The following SGPL1 variants were observed in gnomAD, a reference collection of about 807,000 sequenced individuals.
SGPL1 encodes the protein SP-lyase 1.
In SGPL1, 37 loss-of-function variants were observed where a neutral mutation model predicts 68.9. The ratio of observed to expected loss-of-function variants is 0.54; its 90% CI spans 0.41 to 0.71. SGPL1 has a LOEUF of 0.71. SGPL1 is among the 30% of genes least tolerant of loss of function. The pLI is 0.00. For synonymous variants in SGPL1, 236 were observed against 248.5 expected, an observed-to-expected ratio of 0.95 and a Z score of 0.47; for missense variants, 551 against 704.6, an observed-to-expected ratio of 0.78 and a Z score of 2.47.
At chr10:70,843,831 T>C (rs1369647038) in intron 2 of SGPL1, among the ~76,000 whole-genome samples, 2 of 152,210 alleles carry the variant, frequency 1.3e-5, no homozygotes, top group Non-Finnish European at 2.9e-5. Context: ...TAAGAATGAT[T>C]TTTACATTTT....
At chr10:70,842,615 G>C (rs182489883) in intron 2 of SGPL1, among the ~76,000 whole-genome samples, 2 of 151,592 alleles carry the variant, frequency 1.3e-5, no homozygotes, top group African/African-American at 4.9e-5. Context: ...GAAAGAGAGT[G>C]GGGGGAGGTC....
rs766770118 is a variant in SGPL1, at chr10:70,875,389, TTTTTG to T, written c.1299-8_1299-4del. The T allele has an allele frequency of 2.0e-6, 3 of 1,497,634 alleles. No homozygotes were observed. The highest frequency in any genetic ancestry group is 2.3e-5 in the South Asian group (2 of 87,684). 92.8% of individuals were successfully genotyped at this position (1,497,634 alleles called of 1,614,324 possible). On this transcript the variant is annotated splice_region_variant and splice_polypyrimidine_tract_variant and intron_variant, in intron 12 of 14. Transcript: ENST00000373202. Reference sequence around the variant, plus strand: ...TTTACTTTTTCTTCCTTCATTTATTTTTTTGTTTTAAGACTGGAAAATATCAAAGG... The same window carrying T: ...TTTACTTTTTCTTCCTTCATTTATTTTTTTAAGACTGGAAAATATCAAAGG...
At chr10:70,869,590 A>G (rs974161014) in intron 8 of SGPL1, among the ~76,000 whole-genome samples, 1 of 152,144 alleles carries the variant, frequency 6.6e-6, no homozygotes, top group Admixed American at 6.5e-5. Context: ...GATTTCCTAA[A>G]TAGGAGGGAA....
intron 4 of SGPL1, among the ~76,000 whole-genome samples, chr10:70,854,121 A>G (rs1353564495): frequency 1.3e-5 from 2 of 152,044 alleles, no homozygotes; most frequent in African/African-American, 2.4e-5. Context: ...GTGAAGCAGC[A>G]GTGATGTCAA....
intron 11 of SGPL1, among the ~76,000 whole-genome samples, chr10:70,873,081 G>A (rs1282333441): frequency 1.3e-5 from 2 of 152,188 alleles, no homozygotes; most frequent in Non-Finnish European, 2.9e-5. Flanking sequence ...TAAACCACAT[G>A]CTGGGCAAGA....
intron 7 of SGPL1, among the ~76,000 whole-genome samples, chr10:70,863,207 G>C (rs1211227835): frequency 6.7e-6 from 1 of 150,338 alleles, no homozygotes; most frequent in East Asian, 2.0e-4. Flanking sequence ...GGCTGGTGTT[G>C]AACTCCCAAG....
At chr10:70,832,576 C>T (rs1265791633) in intron 2 of SGPL1, among the ~76,000 whole-genome samples, 3 of 152,138 alleles carry the variant, frequency 2.0e-5, no homozygotes, top group Non-Finnish European at 2.9e-5. Flanking sequence ...GTGAGAAATA[C>T]GGGATCTTTT....
chr10:70,870,966 C>G (rs1846283802), intron 9 of SGPL1, 82 bp from the exon 10 acceptor site: 2 of 1,160,854 alleles, frequency 1.7e-6, no homozygotes, highest in Non-Finnish European at 2.6e-6. Flanking sequence ...TCTAAGCTAG[C>G]AGCCCAAATT....
intron 4 of SGPL1, among the ~76,000 whole-genome samples, chr10:70,852,436 G>A (rs1369582091): frequency 6.6e-6 from 1 of 152,190 alleles, no homozygotes; most frequent in Non-Finnish European, 1.5e-5. Flanking sequence ...TCCTTACAGA[G>A]TATAAGGGGT....
At chr10:70,835,523 G>T (rs986766183) in intron 2 of SGPL1, among the ~76,000 whole-genome samples, 2 of 151,890 alleles carry the variant, frequency 1.3e-5, no homozygotes, top group African/African-American at 2.4e-5. Flanking sequence ...GGATCACGAG[G>T]CAGGAGATCG....
rs189136190 is a variant in SGPL1, at chr10:70,829,991, G to A, written c.27+13111G>A. 3.3e-5 allele frequency among the ~76,000 whole-genome samples: 5 copies of A among 152,202 alleles called. No homozygotes were observed. In the East Asian group the frequency reaches 9.6e-4, roughly 29 times the overall value. On this transcript the variant is annotated intron_variant, in intron 2 of 14. Coordinates refer to ENST00000373202, the MANE Select transcript of SGPL1 (RefSeq NM_003901.4). ...TATACCTTTAGGCAAGTTATTCTTA[G>A]GTAGTTATGGTTGCTTTCATTTGGA...
chr10:70,858,277 A>G (rs774915825), intron 6 of SGPL1, among the ~76,000 whole-genome samples: 1 of 152,152 alleles, frequency 6.6e-6, no homozygotes, highest in African/African-American at 2.4e-5. Context: ...TTGGGACTAC[A>G]GGCGTGCATC....
chr10:70,847,799 C>T (rs1845815199), intron 3 of SGPL1, among the ~76,000 whole-genome samples: 2 of 152,180 alleles, frequency 1.3e-5, no homozygotes, highest in South Asian at 4.1e-4. Context: ...CACTTGCTCA[C>T]TTGCCATGTG....
At position 70,862,070 on chromosome 10, in the gene SGPL1, A is replaced by AAG. The variant is rs1846071850; in HGVS notation, c.615+2571_615+2572insAG. Among the ~76,000 whole-genome samples the AAG allele has an allele frequency of 3.9e-5, 6 of 152,258 alleles. No individual in the cohort carries two copies. In the South Asian group the frequency reaches 8.3e-4, roughly 21 times the overall value. ...GGCAGGCAGCTCCAGTCCTGCAGGC[A>AAG]GCTCCACCCGCAGCCCCGGTGCGGG... On this transcript the variant is annotated intron_variant, in intron 7 of 14. Coordinates refer to ENST00000373202, the MANE Select transcript of SGPL1 (RefSeq NM_003901.4).
chr10:70,870,684 ATAT>A (rs776115539), intron 9 of SGPL1, among the ~76,000 whole-genome samples: 5 of 152,158 alleles, frequency 3.3e-5, no homozygotes, highest in Non-Finnish European at 7.3e-5. Context: ...TGAAGCTGTT[ATAT>A]TATTGTAGTT....
At chr10:70,835,538 C>G (rs1305838983) in intron 2 of SGPL1, among the ~76,000 whole-genome samples, 2 of 152,032 alleles carry the variant, frequency 1.3e-5, no homozygotes, top group African/African-American at 4.8e-5. Flanking sequence ...AGATCGAGAC[C>G]ATCCTGGCTA....
intron 2 of SGPL1, among the ~76,000 whole-genome samples, chr10:70,832,028 G>A (rs949171354): frequency 6.6e-6 from 1 of 152,118 alleles, no homozygotes; most frequent in African/African-American, 2.4e-5. Context: ...ACTATAACAA[G>A]GGCTATGGGG....
At chr10:70,877,097 C>T (rs898595637) in intron 14 of SGPL1, 98 bp from the exon 15 acceptor site, 15 of 1,232,324 alleles carry the variant, frequency 1.2e-5, no homozygotes, top group East Asian at 4.7e-5. Context: ...AGTGCACATG[C>T]GAAGCTAGGA....
rs1428955749 is a variant in SGPL1, at chr10:70,852,715, TG to T, written c.261+1506del. ...AAAATTACATGTGTGTATGTGTGTG[TG>T]TGTGTGTGTGTGCGCGCGCACGCGT... On this transcript the variant is annotated intron_variant, in intron 4 of 14. Transcript: ENST00000373202. Among the ~76,000 whole-genome samples, 3 of 151,202 alleles carry T rather than the reference TG, an allele frequency of 2.0e-5. No homozygotes were observed. The Admixed American group carries it at 2.0e-4, about 10-fold the overall frequency.
Sources: allele counts gnomAD v4.1 joint callset (sites outside exome capture counted in the v4.1 genomes callset), GRCh38; gene constraint gnomAD v4.1.1; transcripts MANE v1.5; gene names NCBI Gene and HGNC (gene_info 2026-07-23, HGNC 2026-07-21).